The following SNX4 variants were observed in gnomAD, a reference collection of about 807,000 sequenced individuals.
The protein encoded by SNX4 is sorting nexin 4.
A neutral mutation model predicts 70.8 loss-of-function variants in SNX4; 49 were observed. The ratio of observed to expected loss-of-function variants is 0.69; its 90% CI spans 0.55 to 0.88. The LOEUF (loss-of-function observed/expected upper bound fraction) is 0.88, where lower values mean the gene tolerates loss of function less well. Among genes scored for constraint, SNX4 ranks in the 40% least tolerant of loss-of-function variants. The pLI, the probability that SNX4 is intolerant of heterozygous loss-of-function variation, is 0.00. For missense variants in SNX4, 528 were observed against 544.8 expected (o/e 0.97, Z 0.31); for synonymous variants, 206 against 183.8 (o/e 1.12, Z -0.98).
intron 1 of SNX4, among the ~76,000 whole-genome samples, chr3:125,506,344 C>CT (rs552693772): frequency 0.012 from 1,688 of 137,688 alleles, 18 homozygotes; most frequent in Non-Finnish European, 0.017. Context: ...TTTTTCATTT[C>CT]TTTTTTTTTT....
chr3:125,460,480 T>G (rs1933851270), intron 10 of SNX4, among the ~76,000 whole-genome samples: 1 of 152,206 alleles, frequency 6.6e-6, no homozygotes, highest in Non-Finnish European at 1.5e-5. Flanking sequence ...ACACACTGAA[T>G]CTGTATTTTG....
intron 9 of SNX4, among the ~76,000 whole-genome samples, chr3:125,462,445 C>G (rs1270868732): frequency 1.3e-5 from 2 of 151,802 alleles, no homozygotes; most frequent in African/African-American, 4.8e-5. Flanking sequence ...CAAAAATTAG[C>G]TGGACATGGT....
chr3:125,500,541 C>T (rs1260173146), intron 2 of SNX4, among the ~76,000 whole-genome samples: 1 of 151,908 alleles, frequency 6.6e-6, no homozygotes, highest in Non-Finnish European at 1.5e-5. Flanking sequence ...GTGGCTCATG[C>T]CTGTAATCCC....
rs750591901 is a variant in SNX4, at chr3:125,498,112, A to G, written c.346T>C (p.Tyr116His). The G allele has an allele frequency of 1.9e-6, 3 of 1,614,190 alleles. No homozygotes were observed. Among genetic ancestry groups the G allele is most frequent in the Non-Finnish European group, 2.5e-6 (3 of 1,180,022 alleles). ...RYSEFELLRS[Y>H]LLVYYPHIVV... ...ATATGTGGATAGTAAACTAAAAGGT[A>G]GCTTCTCAACAACTCAAATTCACTA... is the stretch of plus-strand genomic sequence containing the variant. The change falls in exon 3 of 14, where the codon TAC becomes CAC. Residue 116 changes from tyrosine to histidine, a missense_variant. Physicochemically the swap from Tyr to His is moderately conservative, Grantham distance 83 (BLOSUM62 2). Transcript: ENST00000251775.
Position 125,505,363 on chromosome 3 carries a change from T to C in SNX4, c.142-619A>G, listed in dbSNP as rs1238117545. ...ATAGTGGAGTAGGAAGCACCAGGAA[T>C]CCATCTCCCCACCTAGACGACAACT... On this transcript the variant is annotated intron_variant, in intron 1 of 13. Transcript: ENST00000251775. 2.0e-5 allele frequency among the ~76,000 whole-genome samples: 3 copies of C among 152,226 alleles called. No individual in the cohort carries two copies. In the East Asian group the frequency reaches 5.8e-4, roughly 29 times the overall value.
At chr3:125,466,191 A>C (rs922122534) in intron 9 of SNX4, among the ~76,000 whole-genome samples, 5 of 151,844 alleles carry the variant, frequency 3.3e-5, no homozygotes, top group African/African-American at 1.2e-4. Context: ...TATATAATAG[A>C]TTTTTAGATA....
chr3:125,511,022 G>A (rs1206539214), intron 1 of SNX4, among the ~76,000 whole-genome samples: 4 of 152,138 alleles, frequency 2.6e-5, no homozygotes, highest in South Asian at 2.1e-4. Flanking sequence ...GGGCTCAGGC[G>A]ATTCTCCTCC....
chr3:125,498,619 G>A (rs926970577), intron 2 of SNX4, among the ~76,000 whole-genome samples: 1 of 152,196 alleles, frequency 6.6e-6, no homozygotes, highest in South Asian at 2.1e-4. Context: ...CTGTGAGGCA[G>A]AGATTTATTA....
chr3:125,457,155 T>C (rs1933738597), intron 11 of SNX4, 111 bp downstream of exon 11: 2 of 742,898 alleles, frequency 2.7e-6, no homozygotes, highest in Non-Finnish European at 4.8e-6. Flanking sequence ...GTCCTGAGTA[T>C]TGTAACTGGA....
chr3:125,516,269 C>CA (rs1468437270), intron 1 of SNX4, among the ~76,000 whole-genome samples: 1 of 152,212 alleles, frequency 6.6e-6, no homozygotes, highest in Non-Finnish European at 1.5e-5. Context: ...CTCTGTCCTC[C>CA]ACTCCCTTGC....
At chr3:125,453,166 G>A (rs1337210966) in intron 12 of SNX4, among the ~76,000 whole-genome samples, 1 of 152,140 alleles carries the variant, frequency 6.6e-6, no homozygotes, top group Non-Finnish European at 1.5e-5. Flanking sequence ...TGTGAATGTG[G>A]AAAAGATACA....
At chr3:125,503,268 T>C (rs900072639) in intron 2 of SNX4, among the ~76,000 whole-genome samples, 2 of 152,208 alleles carry the variant, frequency 1.3e-5, no homozygotes, top group African/African-American at 2.4e-5. Flanking sequence ...TTTGTTTTAA[T>C]TGAAAGCATT....
At chr3:125,517,435 GC>G (rs1342725742) in intron 1 of SNX4, among the ~76,000 whole-genome samples, 1 of 152,120 alleles carries the variant, frequency 6.6e-6, no homozygotes, top group Non-Finnish European at 1.5e-5. Flanking sequence ...CTACAATGAG[GC>G]CATAAAAACA....
At position 125,453,876 on chromosome 3, in the gene SNX4, A is replaced by C. The variant is rs1216685714; in HGVS notation, c.1124T>G (p.Ile375Arg). 1.2e-6 allele frequency: 2 copies of C among 1,613,822 alleles called. No homozygotes were observed. Among genetic ancestry groups the C allele is most frequent in the African/African-American group, 2.7e-5 (2 of 74,886 alleles). ...ATTTATTTGTTCTTCTAGCACCTTT[A>C]TTCTGGCTTCTCTCTGCTCTGGAGT... ...QETPEQREAR[I>R]KVLEEQINEG... The change falls in exon 12 of 14, where the codon ATA (isoleucine) becomes AGA (arginine). Residue 375 changes from isoleucine (I) to arginine (R), a missense_variant. Physicochemically the swap from Ile to Arg is moderately conservative, Grantham distance 97. Transcript: ENST00000251775.
At chr3:125,502,828 T>C (rs987114501) in intron 2 of SNX4, among the ~76,000 whole-genome samples, 1 of 126,748 alleles carries the variant, frequency 7.9e-6, no homozygotes, top group African/African-American at 3.2e-5. Context: ...CACTCTAGCC[T>C]GGGTGACAGA....
intron 9 of SNX4, 45 bp from the exon 10 acceptor site, chr3:125,460,905 T>C (rs1364657113): frequency 3.1e-6 from 3 of 980,170 alleles, no homozygotes; most frequent in Admixed American, 2.4e-5. Flanking sequence ...TTACTTTCAT[T>C]GGAATACAAA....
intron 9 of SNX4, among the ~76,000 whole-genome samples, chr3:125,466,287 T>C (rs1298773068): frequency 6.8e-6 from 1 of 147,314 alleles, no homozygotes; most frequent in Non-Finnish European, 1.5e-5. Flanking sequence ...TGTTATCACA[T>C]ACAAAAATCA....
Position 125,460,863 on chromosome 3 carries a change from G to T in SNX4, c.855-3C>A. 3.7e-6 allele frequency: 5 copies of T among 1,359,598 alleles called. No homozygotes were observed. Among genetic ancestry groups the T allele is most frequent in the Non-Finnish European group, 3.0e-6 (3 of 990,812 alleles). The allele number at this position is 1,359,598 out of a possible 1,614,324, so 84.2% of individuals were successfully genotyped here. Reference sequence around the variant, plus strand: ...TATCATCAATAGAAGATGCATACCTGTTTTAAAAAAAAAAACACACATTGC... The same window carrying T: ...TATCATCAATAGAAGATGCATACCTTTTTTAAAAAAAAAAACACACATTGC... On this transcript the variant is annotated splice_polypyrimidine_tract_variant and splice_region_variant and intron_variant, in intron 9 of 13. Transcript: ENST00000251775.
intron 9 of SNX4, among the ~76,000 whole-genome samples, chr3:125,462,029 C>T (rs959155046): frequency 5.3e-5 from 8 of 152,152 alleles, no homozygotes; most frequent in Non-Finnish European, 8.8e-5. Context: ...TTCATTCCTG[C>T]GCATGAGTCT....
Sources: gnomAD v4.1 joint callset for allele counts (sites outside exome capture counted in the v4.1 genomes callset) on GRCh38, gnomAD v4.1.1 for gene constraint, MANE v1.5 for transcripts, NCBI Gene and HGNC (gene_info 2026-07-23, HGNC 2026-07-21) for gene names.